Variants in SYNE1 observed in about 807,000 individuals in gnomAD.
The protein encoded by SYNE1 is spectrin repeat containing nuclear envelope protein 1, also known as nesprin-1.
SYNE1 carries 616 observed loss-of-function variants against 1,111.0 expected under a neutral mutation model. The observed-to-expected ratio is 0.55, with a 90% CI of 0.52 to 0.59. The LOEUF (loss-of-function observed/expected upper bound fraction) is 0.59, where lower values mean the gene tolerates loss of function less well. SYNE1 is among the 20% of genes least tolerant of loss of function. The pLI is 0.00. For missense variants in SYNE1, 10,006 were observed against 10,417.0 expected (o/e 0.96, Z 1.72); for synonymous variants, 3,855 against 3,825.8 (o/e 1.01, Z -0.28).
Position 152,510,222 on chromosome 6 carries a change from T to C in SYNE1, c.552A>G (p.Leu184=), listed in dbSNP as rs2099078176. Residue 184 remains leucine (L), a synonymous_variant, in exon 8 of 146, where the codon TTA becomes TTG. Coordinates refer to ENST00000367255, the MANE Select transcript of SYNE1 (RefSeq NM_182961.4). ...CAGCTGTGTACTGAACCCACTTTAA[T>C]AAAGCCTTCTTAGCATTTCCTTGGA... The part of the protein sequence containing the change: ...TKIQGNAKKA[L]LKWVQYTAGK... 1.9e-6 allele frequency: 3 copies of C among 1,614,100 alleles called. No individual in the cohort carries two copies. The highest frequency in any genetic ancestry group is 1.7e-6 in the Non-Finnish European group (2 of 1,179,966).
At position 152,369,018 on chromosome 6, in the gene SYNE1, A is replaced by G; in HGVS notation, c.9761T>C (p.Val3254Ala). Reference protein sequence around the residue: ...QAASKSFRHRVSQLSSQYLAL... With the variant: ...QAASKSFRHRASQLSSQYLAL... ...TAGATACTGAGAAGACAGCTGCGACACTCTGTGCCTAAAGCTCTTGCTGGC... is the reference window on the plus strand; with the variant it reads ...TAGATACTGAGAAGACAGCTGCGACGCTCTGTGCCTAAAGCTCTTGCTGGC... The change falls in exon 61 of 146, where the codon GTG becomes GCG. Residue 3254 changes from valine (V) to alanine (A), a missense_variant. This residue lies in a region of SYNE1 where 4,955 missense variants were observed against 5,017.2 expected (regional missense o/e 0.99). Transcript: ENST00000367255. 1 of 1,614,130 alleles carries G rather than the reference A, an allele frequency of 6.2e-7. No individual in the cohort carries two copies. Among genetic ancestry groups the G allele is most frequent in the Non-Finnish European group, 8.5e-7 (1 of 1,180,022 alleles).
At chr6:152,529,837 T>TG (rs149380721) in intron 4 of SYNE1, among the ~76,000 whole-genome samples, 42,465 of 151,726 alleles carry the variant, frequency 0.28, 7,134 homozygotes, top group East Asian at 0.45. Flanking sequence ...AGGGTTTTAC[T>TG]GGGGGGTCTA....
intron 3 of SYNE1, among the ~76,000 whole-genome samples, chr6:152,543,612 T>C (rs2099285403): frequency 6.6e-6 from 1 of 152,220 alleles, no homozygotes; most frequent in Non-Finnish European, 1.5e-5. Flanking sequence ...ACTAGGTCTA[T>C]AAAGTTCTTA....
intron 89 of SYNE1, 126 bp downstream of exon 89, chr6:152,310,268 CCT>C: frequency 7.2e-7 from 1 of 1,380,864 alleles, no homozygotes; most frequent in Non-Finnish European, 9.9e-7. Flanking sequence ...ATAGGGATAC[CCT>C]GTCTCTATTT....
intron 6 of SYNE1, among the ~76,000 whole-genome samples, chr6:152,513,609 C>T (rs1026503630): frequency 2.0e-5 from 3 of 152,126 alleles, no homozygotes; most frequent in African/African-American, 4.8e-5. Flanking sequence ...GCTGGTATTA[C>T]AGGAGTGAGC....
At chr6:152,290,333 G>A (rs181845238) in intron 95 of SYNE1, among the ~76,000 whole-genome samples, 32 of 152,272 alleles carry the variant, frequency 2.1e-4, no homozygotes, top group Middle Eastern at 3.4e-3. Context: ...GAGGTAAGTG[G>A]ATCACCTGAG....
At chr6:152,343,631 C>A (rs202032023) in intron 74 of SYNE1, among the ~76,000 whole-genome samples, 1 of 151,940 alleles carries the variant, frequency 6.6e-6, no homozygotes, top group African/African-American at 2.4e-5. Context: ...CAGGTTCAAG[C>A]GATTCTCCTG....
intron 62 of SYNE1, 116 bp from the exon 63 acceptor site, chr6:152,365,135 G>A (rs2097046219): frequency 8.4e-6 from 11 of 1,314,968 alleles, no homozygotes; most frequent in Admixed American, 1.9e-5. Context: ...CAGCCCTGGA[G>A]CTCCCAGTCG....
intron 74 of SYNE1, 117 bp from the exon 75 acceptor site, chr6:152,339,483 T>C: frequency 7.0e-7 from 1 of 1,430,924 alleles, no homozygotes; most frequent in East Asian, 2.5e-5. Flanking sequence ...TGCTCAGTGT[T>C]TTCACCATTG....
intron 77 of SYNE1, 85 bp downstream of exon 77, chr6:152,333,923 G>A: frequency 6.3e-7 from 1 of 1,585,286 alleles, no homozygotes; most frequent in Non-Finnish European, 8.6e-7. Context: ...ATCAGCCACT[G>A]CACCTGGGCA....
intron 3 of SYNE1, among the ~76,000 whole-genome samples, chr6:152,568,742 G>C (rs2128290777): frequency 6.6e-6 from 1 of 152,274 alleles, no homozygotes; most frequent in East Asian, 1.9e-4. Context: ...TGAGTAGCTA[G>C]AACTACAGGC....
intron 127 of SYNE1, among the ~76,000 whole-genome samples, chr6:152,196,093 C>G (rs950126433): frequency 1.3e-5 from 2 of 151,152 alleles, no homozygotes; most frequent in Non-Finnish European, 3.0e-5. Flanking sequence ...CAGGCCATTG[C>G]TGATGTTTAC....
chr6:152,308,429 A>G (rs2095445825), intron 91 of SYNE1, 60 bp downstream of exon 91: 2 of 1,611,518 alleles, frequency 1.2e-6, no homozygotes, highest in South Asian at 1.1e-5. Flanking sequence ...CTAGAAACCA[A>G]ACATATACTC....
chr6:152,162,535 A>G (rs1466489592), intron 131 of SYNE1, among the ~76,000 whole-genome samples: 2 of 152,232 alleles, frequency 1.3e-5, no homozygotes, highest in African/African-American at 4.8e-5. Flanking sequence ...TCATCACTAT[A>G]GACATCATTA....
At chr6:152,386,774 T>G (rs2097532133) in intron 54 of SYNE1, among the ~76,000 whole-genome samples, 1 of 149,952 alleles carries the variant, frequency 6.7e-6, no homozygotes. Flanking sequence ...CGGCGACATT[T>G]GATGTGCAAA....
intron 123 of SYNE1, among the ~76,000 whole-genome samples, chr6:152,213,307 T>G (rs902542757): frequency 2.0e-5 from 3 of 152,222 alleles, no homozygotes; most frequent in African/African-American, 7.2e-5. Flanking sequence ...TGTCTAACTA[T>G]CTATACACGT....
chr6:152,344,176 T>A lies in SYNE1; in HGVS notation c.12130A>T (p.Thr4044Ser). 6.2e-7 allele frequency: 1 copy of A among 1,614,200 alleles called. No homozygotes were observed. Among genetic ancestry groups the A allele is most frequent in the South Asian group, 1.1e-5 (1 of 91,088 alleles). ...ELQKHVSRQD[T>S]LQQCQAWLSA... is the part of the protein sequence containing the mutation. Reference sequence around the variant, plus strand: ...AGCCAGGCCTGGCACTGCTGCAGGGTGTCTTGTCGGCTGACGTGCTTCTGA... The same window carrying A: ...AGCCAGGCCTGGCACTGCTGCAGGGAGTCTTGTCGGCTGACGTGCTTCTGA... Residue 4044 changes from threonine to serine, a missense_variant, in exon 74 of 146, where the codon ACC becomes TCC. This residue lies in a region of SYNE1 where 4,955 missense variants were observed against 5,017.2 expected (regional missense o/e 0.99). Coordinates refer to ENST00000367255, the MANE Select transcript of SYNE1 (RefSeq NM_182961.4).
At chr6:152,367,847 A>G (rs932686644) in intron 61 of SYNE1, 4 of 202,788 alleles carry the variant, frequency 2.0e-5, no homozygotes, top group African/African-American at 9.3e-5. Context: ...TTTATCAATT[A>G]TAGGTTATAT....
At chr6:152,569,955 C>T (rs2099439488) in intron 3 of SYNE1, among the ~76,000 whole-genome samples, 1 of 152,178 alleles carries the variant, frequency 6.6e-6, no homozygotes, top group South Asian at 2.1e-4. Context: ...CTTAGCCTGT[C>T]ATTAAGATGT....
Sources: gnomAD v4.1 joint callset for allele counts (sites outside exome capture counted in the v4.1 genomes callset) on GRCh38, gnomAD v4.1.1 for gene constraint, gnomAD v4.1.1 regional missense constraint, MANE v1.5 for transcripts, NCBI Gene and HGNC (gene_info 2026-07-23, HGNC 2026-07-21) for gene names.